Variants in ESR1 observed in about 807,000 individuals in gnomAD.
ESR1 encodes estrogen receptor.
A neutral mutation model predicts 52.7 loss-of-function variants in ESR1; 12 were observed. The ratio of observed to expected loss-of-function variants is 0.23; its 90% CI spans 0.15 to 0.37. The LOEUF is 0.37. Among genes scored for constraint, ESR1 ranks in the 10% least tolerant of loss-of-function variants. The pLI is 1.00. For synonymous variants in ESR1, 305 were observed against 316.8 expected (o/e 0.96, Z 0.39); for missense variants, 584 against 779.7 (o/e 0.75, Z 2.99).
At chr6:151,850,059 ATT>A (rs1786187719) in intron 2 of ESR1, among the ~76,000 whole-genome samples, 2 of 113,656 alleles carry the variant, frequency 1.8e-5, no homozygotes, top group African/African-American at 8.0e-5. Flanking sequence ...TATATATATA[ATT>A]TTATATATAT....
chr6:151,846,535 G>T (rs1029338514), intron 2 of ESR1, among the ~76,000 whole-genome samples: 2 of 152,194 alleles, frequency 1.3e-5, no homozygotes, highest in African/African-American at 4.8e-5. Context: ...TGAAGATGCC[G>T]CAGCTCTCCC....
chr6:151,771,845 A>T (rs1785544944), intron 2 of ESR1, among the ~76,000 whole-genome samples: 1 of 152,218 alleles, frequency 6.6e-6, no homozygotes, highest in Non-Finnish European at 1.5e-5. Context: ...AATTAAAAAA[A>T]ACAACAACTG....
chr6:151,909,718 C>G (rs1346130795), intron 3 of ESR1, among the ~76,000 whole-genome samples: 1 of 152,166 alleles, frequency 6.6e-6, no homozygotes, highest in Non-Finnish European at 1.5e-5. Flanking sequence ...AGCATGACCC[C>G]TGGAACTTGG....
upstream of ESR1, among the ~76,000 whole-genome samples, chr6:151,801,948 C>G (rs1395349396): frequency 6.6e-6 from 1 of 152,166 alleles, no homozygotes; most frequent in Admixed American, 6.5e-5. Flanking sequence ...ATTTATTTTG[C>G]CACCTGGCCC....
intron 1 of ESR1, among the ~76,000 whole-genome samples, chr6:151,820,840 C>T (rs566052314): frequency 2.6e-5 from 4 of 152,092 alleles, no homozygotes; most frequent in African/African-American, 9.7e-5. Context: ...ATATCAGAAG[C>T]CAATAAATGA....
chr6:151,770,572 A>C (rs914514873), intron 2 of ESR1, among the ~76,000 whole-genome samples: 17 of 152,172 alleles, frequency 1.1e-4, no homozygotes, highest in Non-Finnish European at 2.2e-4. Flanking sequence ...ACTATGAAGA[A>C]GAATCTTCAA....
intron 3 of ESR1, among the ~76,000 whole-genome samples, chr6:151,899,845 C>T (rs952661596): frequency 7.3e-5 from 11 of 150,806 alleles, no homozygotes; most frequent in Admixed American, 2.6e-4. Context: ...GGATGGCGGC[C>T]GGGAAGAGGC....
chr6:151,849,747 G>T (rs890993585), intron 2 of ESR1, among the ~76,000 whole-genome samples: 7 of 151,588 alleles, frequency 4.6e-5, no homozygotes, highest in Non-Finnish European at 7.4e-5. Flanking sequence ...AATGCAAGTG[G>T]TACATTTGAT....
At chr6:151,899,054 G>T (rs1251514396) in intron 3 of ESR1, among the ~76,000 whole-genome samples, 3 of 145,190 alleles carry the variant, frequency 2.1e-5, no homozygotes, top group South Asian at 2.2e-4. Flanking sequence ...CCTCCCGGAC[G>T]GGGCGGCTGG....
chr6:151,897,357 A>C (rs1415151090), intron 3 of ESR1, among the ~76,000 whole-genome samples: 2 of 152,086 alleles, frequency 1.3e-5, no homozygotes, highest in African/African-American at 4.8e-5. Flanking sequence ...TACATTTGGG[A>C]GTTCCAGTGT....
chr6:152,022,954 G>T (rs1006088455), intron 5 of ESR1, among the ~76,000 whole-genome samples: 3 of 150,516 alleles, frequency 2.0e-5, no homozygotes, highest in African/African-American at 7.4e-5. Context: ...TCCAGCCTGG[G>T]CAACAAGAGT....
intron 2 of ESR1, among the ~76,000 whole-genome samples, chr6:151,758,774 AAAAG>A (rs201839112): frequency 0.011 from 1,622 of 151,466 alleles, 32 homozygotes; most frequent in African/African-American, 0.037. Flanking sequence ...AAAAAAAAAA[AAAAG>A]AAGAAGGAGA....
rs1239117422 is a variant in ESR1, at chr6:151,765,411, A to G, written c.-70-42432A>G. The stretch of plus-strand genomic sequence containing the variant: ...AAAATTTAGAAACTATTCCTCAGTC[A>G]CGCTGGCTACATTTCAAGTGCTTCA... On this transcript the variant is annotated intron_variant, in intron 2 of 2. Transcript: ENST00000404742. Among the ~76,000 whole-genome samples the G allele has an allele frequency of 1.2e-4, 18 of 152,356 alleles. No individual in the cohort carries two copies. In the East Asian group the frequency reaches 3.3e-3, roughly 28 times the overall value.
intron 4 of ESR1, among the ~76,000 whole-genome samples, chr6:151,951,263 G>A (rs3020377): frequency 0.52 from 79,231 of 151,788 alleles, 23,256 homozygotes; most frequent in Middle Eastern, 0.7. Flanking sequence ...CCTACAGATG[G>A]CTCCACAGTT....
intron 2 of ESR1, among the ~76,000 whole-genome samples, chr6:151,741,919 ATCT>A (rs1169390835): frequency 1.3e-5 from 2 of 152,150 alleles, no homozygotes; most frequent in Non-Finnish European, 2.9e-5. Flanking sequence ...TTTGATCTAC[ATCT>A]TCTCATTTTC....
intron 2 of ESR1, among the ~76,000 whole-genome samples, chr6:151,738,902 C>T (rs1381152035): frequency 6.6e-6 from 1 of 152,108 alleles, no homozygotes; most frequent in Non-Finnish European, 1.5e-5. Flanking sequence ...GGCATTGGGA[C>T]AATGTTGATA....
At chr6:151,936,352 C>A (rs756502297) in intron 3 of ESR1, 1 of 152,056 alleles carries the variant, frequency 6.6e-6, no homozygotes, top group Non-Finnish European at 1.5e-5. Flanking sequence ...AATTGGGCAC[C>A]CTTTATCTAC....
chr6:151,668,956 G>A (rs1286468082), intron 1 of ESR1, among the ~76,000 whole-genome samples: 1 of 151,894 alleles, frequency 6.6e-6, no homozygotes, highest in African/African-American at 2.4e-5. Flanking sequence ...GAATAGTGAG[G>A]GTTCATGTCA....
chr6:151,669,417 C>T (rs934638203), intron 1 of ESR1, among the ~76,000 whole-genome samples: 3 of 151,974 alleles, frequency 2.0e-5, no homozygotes, highest in Non-Finnish European at 4.4e-5. Flanking sequence ...ATGATGTCCT[C>T]GAGAAACCTG....
Sources: allele counts gnomAD v4.1 joint callset (sites outside exome capture counted in the v4.1 genomes callset), GRCh38; gene constraint gnomAD v4.1.1; transcripts MANE v1.5; gene names NCBI Gene and HGNC (gene_info 2026-07-23, HGNC 2026-07-21).